Variants in FBXO31 observed in about 807,000 individuals in gnomAD.
The protein encoded by FBXO31 is F-box protein 31.
In FBXO31, 24 loss-of-function variants were observed where a neutral mutation model predicts 54.4. That is an observed-to-expected ratio of 0.44 (90% CI 0.32 to 0.62). The LOEUF (loss-of-function observed/expected upper bound fraction) is 0.62. Ranked by LOEUF, FBXO31 falls within the 20% of genes least tolerant of loss-of-function variation. The pLI is 0.05. For missense variants in FBXO31, 665 were observed against 787.1 expected, an observed-to-expected ratio of 0.84 and a Z score of 1.86; for synonymous variants, 388 against 335.6, an observed-to-expected ratio of 1.16 and a Z score of -1.71.
In FBXO31 at chr16:87,383,589, GC is replaced by G; in HGVS notation, c.155del (p.Gly52AlafsTer109). On this transcript the variant is annotated frameshift_variant, in exon 1 of 9. Transcript: ENST00000311635. LOFTEE classifies it high-confidence loss of function. This position sits in a 1 kb window ranked among gnomAD's most constrained non-coding sequence, Gnocchi z 4.9. The stretch of plus-strand genomic sequence containing the variant: ...GCGGCGAGGGGCCCGCGCACAAGCC[GC>G]CCCCGACCCCGGCGCTAGCCTCGAT... The part of the protein sequence containing the change: ...ERIEASAGVG[G>X]GLCAGPSPPP... The G allele has an allele frequency of 6.8e-7, 1 of 1,479,636 alleles. No individual in the cohort carries two copies. Among genetic ancestry groups the G allele is most frequent in the Non-Finnish European group, 8.9e-7 (1 of 1,120,950 alleles). The allele number at this position is 1,479,636 out of a possible 1,614,324, so 91.7% of individuals were successfully genotyped here. A position where few individuals can be genotyped will look rare whatever the true frequency, so the allele number is the denominator to read the frequency against.
At chr16:87,333,484 G>A (rs1904934809) in intron 8 of FBXO31, among the ~76,000 whole-genome samples, 1 of 152,260 alleles carries the variant, frequency 6.6e-6, no homozygotes, top group African/African-American at 2.4e-5. Flanking sequence ...GGGTGGGTGG[G>A]GAAGGGGCCT....
chr16:87,344,227 G>C (rs1366365864), intron 3 of FBXO31, among the ~76,000 whole-genome samples: 3 of 152,234 alleles, frequency 2.0e-5, no homozygotes, highest in African/African-American at 7.2e-5. Context: ...CCCTTTCTTA[G>C]GGCGCTGCCC....
chr16:87,343,902 G>C (rs1004430631), intron 3 of FBXO31, 137 bp from the exon 4 acceptor site: 2 of 822,726 alleles, frequency 2.4e-6, no homozygotes, highest in Non-Finnish European at 3.8e-6. Context: ...GCCCACCCTC[G>C]AGGTGCCTCG....
rs893181459 is a variant in FBXO31, at chr16:87,336,286, T to C, written c.733-22A>G. 1.9e-6 allele frequency: 3 copies of C among 1,606,452 alleles called. No individual in the cohort carries two copies. Among genetic ancestry groups the C allele is most frequent in the Non-Finnish European group, 2.6e-6 (3 of 1,173,766 alleles). On this transcript the variant is annotated intron_variant, in intron 5 of 8. Transcript: ENST00000311635. The surrounding 1 kb of genome is among the most constrained non-coding windows in gnomAD (Gnocchi z 6.5). ...ACTCCTTCCAAAAGAACACAGGTCA[T>C]GAATATCCATATGACAGGAGGCTGT...
chr16:87,361,472 G>C (rs1355114392), intron 1 of FBXO31, among the ~76,000 whole-genome samples: 1 of 152,180 alleles, frequency 6.6e-6, no homozygotes, highest in African/African-American at 2.4e-5. Context: ...CCCTGTGCAG[G>C]CGTGAGAGCC....
chr16:87,360,409 A>C (rs767980650), intron 1 of FBXO31, 43 bp from the exon 2 acceptor site: 1,097 of 1,567,738 alleles, frequency 7.0e-4, no homozygotes, highest in Non-Finnish European at 8.9e-4. Context: ...TCAACAACTC[A>C]TAACGCGACA....
intron 2 of FBXO31, among the ~76,000 whole-genome samples, chr16:87,349,706 T>C (rs1251936307): frequency 2.2e-5 from 3 of 134,740 alleles, no homozygotes; most frequent in African/African-American, 6.6e-5. Context: ...CAAGACTCCA[T>C]CTGAAAAAAA....
At chr16:87,375,019 C>CA (rs533245895) in intron 1 of FBXO31, among the ~76,000 whole-genome samples, 150 of 152,226 alleles carry the variant, frequency 9.9e-4, no homozygotes, top group African/African-American at 3.4e-3. Context: ...CCTGGCTCTA[C>CA]AAAAAATACA....
intron 8 of FBXO31, 24 bp downstream of exon 8, chr16:87,333,862 C>A (rs1255630964): frequency 5.7e-6 from 9 of 1,571,236 alleles, no homozygotes; most frequent in African/African-American, 4.0e-5. Flanking sequence ...CACCTTCAGG[C>A]CCCAGTACCC....
At chr16:87,342,476 C>T (rs993367051) in intron 5 of FBXO31, among the ~76,000 whole-genome samples, 7 of 152,284 alleles carry the variant, frequency 4.6e-5, no homozygotes, top group East Asian at 1.9e-4. Context: ...TGGCACGATC[C>T]GGAAGCCTCC....
At chr16:87,370,924 G>A (rs1235630122) in intron 1 of FBXO31, among the ~76,000 whole-genome samples, 1 of 152,212 alleles carries the variant, frequency 6.6e-6, no homozygotes, top group African/African-American at 2.4e-5. Flanking sequence ...AGGAAGTTAA[G>A]GCACAGGGAA....
intron 4 of FBXO31, 31 bp from the exon 5 acceptor site, chr16:87,342,982 G>C: frequency 6.3e-7 from 1 of 1,576,578 alleles, no homozygotes. Flanking sequence ...GGAAAGAGAA[G>C]AGTGAGGAAC....
rs974228130 is a variant in FBXO31 at position 87,383,678 on chromosome 16, G to A, written c.67C>T (p.Arg23Trp). 1 of 1,283,316 alleles carries A rather than the reference G, an allele frequency of 7.8e-7. No homozygotes were observed. Among genetic ancestry groups the A allele is most frequent in the Non-Finnish European group, 9.8e-7 (1 of 1,021,946 alleles). 79.5% of individuals were successfully genotyped at this position (1,283,316 alleles called of 1,614,324 possible). A position where few individuals can be genotyped will look rare whatever the true frequency, so the allele number is the denominator to read the frequency against. The change falls in exon 1 of 9, where the codon CGG becomes TGG. Residue 23 changes from arginine to tryptophan, a missense_variant. By Grantham distance (101) the Arg-to-Trp change is moderately radical. Around this residue, in one of 4 missense-constraint regions of FBXO31, gnomAD observed 195 missense variants for 174.8 expected, o/e 1.12. Coordinates refer to ENST00000311635, the MANE Select transcript of FBXO31 (RefSeq NM_024735.5). This position sits in a 1 kb window ranked among gnomAD's most constrained non-coding sequence, Gnocchi z 4.9. ...GCCGCCGCCGTCTCGGCCGGGCCCC[G>A]GCGCTGCTGGCGGCGCCGACATCCG... ...SRGCRRRQQRRGPAETAAADS... is the reference protein window; with the variant it reads ...SRGCRRRQQRWGPAETAAADS...
In FBXO31 at chr16:87,346,732, G is replaced by A. The variant is rs1185943173; in HGVS notation, c.489+442C>T. Among the ~76,000 whole-genome samples the A allele has an allele frequency of 2.0e-5, 3 of 152,342 alleles. No individual in the cohort carries two copies. The highest frequency in any genetic ancestry group is 1.9e-4 in the East Asian group (1 of 5,170). On this transcript the variant is annotated intron_variant, in intron 3 of 8. Transcript: ENST00000311635. The surrounding 1 kb of genome is among the most constrained non-coding windows in gnomAD (Gnocchi z 4.2). ...TCCGTTCGAGAGGCTCCAGTAGGAG[G>A]GCACAGGGGGCGGGAGGCAGGGTGG...
chr16:87,388,349 C>A (rs1907397817), upstream of FBXO31, among the ~76,000 whole-genome samples: 1 of 152,182 alleles, frequency 6.6e-6, no homozygotes, highest in Non-Finnish European at 1.5e-5. Context: ...TCCTCCTGAC[C>A]AAATCCTTTC....
chr16:87,355,252 G>A (rs146315496), intron 2 of FBXO31, among the ~76,000 whole-genome samples: 5 of 152,300 alleles, frequency 3.3e-5, no homozygotes, highest in Non-Finnish European at 5.9e-5. Context: ...ACTTCAACAC[G>A]ACCAGTTAAC....
rs1905109745 is a variant in FBXO31, at chr16:87,338,883, AGGAGGTAAC to A, written c.733-2628_733-2620del. Among the ~76,000 whole-genome samples the A allele has an allele frequency of 6.6e-6, 1 of 152,138 alleles. No homozygotes were observed. Among genetic ancestry groups the A allele is most frequent in the African/African-American group, 2.4e-5 (1 of 41,442 alleles). ...ATTCCCATGTCATGGGAGGGACCCCAGGAGGTAACTGAATCATGGGGGTGGGGTCTTTTC... is the reference window on the plus strand; with the variant it reads ...ATTCCCATGTCATGGGAGGGACCCCATGAATCATGGGGGTGGGGTCTTTTC... On this transcript the variant is annotated intron_variant, in intron 5 of 8. Coordinates refer to ENST00000311635, the MANE Select transcript of FBXO31 (RefSeq NM_024735.5). This position sits in a 1 kb window ranked among gnomAD's most constrained non-coding sequence, Gnocchi z 4.3.
chr16:87,356,779 C>A (rs985256836), intron 2 of FBXO31, among the ~76,000 whole-genome samples: 1 of 152,166 alleles, frequency 6.6e-6, no homozygotes, highest in African/African-American at 2.4e-5. Context: ...GGTCTGCTCC[C>A]AACAGACCAT....
chr16:87,340,341 G>T (rs899837567), intron 5 of FBXO31, among the ~76,000 whole-genome samples: 1 of 152,230 alleles, frequency 6.6e-6, no homozygotes, highest in Non-Finnish European at 1.5e-5. Flanking sequence ...CATGTGGACA[G>T]ACATATGGAT....
Sources: allele counts gnomAD v4.1 joint callset (sites outside exome capture counted in the v4.1 genomes callset), GRCh38; gene constraint gnomAD v4.1.1; regional missense constraint gnomAD v4.1.1; non-coding constraint Gnocchi (gnomAD v3.1); transcripts MANE v1.5; gene names NCBI Gene and HGNC (gene_info 2026-07-23, HGNC 2026-07-21).